SOX5: variants seen among roughly 807,000 people sequenced by gnomAD.
SOX5 encodes transcription factor SOX-5.
A neutral mutation model predicts 92.0 loss-of-function variants in SOX5; 9 were observed. The observed-to-expected ratio is 0.10, with a 90% CI of 0.06 to 0.17. The LOEUF is 0.17. Ranked by LOEUF, SOX5 falls within the 10% of genes least tolerant of loss-of-function variation. The probability of loss-of-function intolerance (pLI) is 1.00; values close to 1 mark genes in which losing one functional copy is unlikely to be tolerated. For synonymous variants in SOX5, 344 were observed against 336.3 expected (o/e 1.02, Z -0.25); for missense variants, 642 against 944.5 (o/e 0.68, Z 4.20).
chr12:23,743,768 G>C (rs2093886015), intron 4 of SOX5, among the ~76,000 whole-genome samples: 1 of 152,110 alleles, frequency 6.6e-6, no homozygotes, highest in Non-Finnish European at 1.5e-5. Context: ...GCATAGGTGG[G>C]TTTCACATTC....
intron 4 of SOX5, among the ~76,000 whole-genome samples, chr12:23,986,106 C>T (rs566107851): frequency 4.6e-5 from 7 of 152,202 alleles, no homozygotes; most frequent in East Asian, 1.9e-4. Flanking sequence ...TTATTTCTCC[C>T]TTGTTATATA....
intron 4 of SOX5, among the ~76,000 whole-genome samples, chr12:24,095,419 CCTTA>C (rs1945278459): frequency 8.6e-6 from 1 of 116,530 alleles, no homozygotes; most frequent in South Asian, 3.6e-4. Flanking sequence ...TTGCCCTCTC[CCTTA>C]TTTATTTATT....
intron 4 of SOX5, among the ~76,000 whole-genome samples, chr12:24,054,982 G>A (rs937145561): frequency 6.6e-6 from 1 of 151,928 alleles, no homozygotes; most frequent in African/African-American, 2.4e-5. Context: ...ATTTTTTCCT[G>A]TACACATTTT....
At chr12:24,045,351 A>G (rs1956892873) in intron 4 of SOX5, among the ~76,000 whole-genome samples, 1 of 152,210 alleles carries the variant, frequency 6.6e-6, no homozygotes, top group South Asian at 2.1e-4. Context: ...TAGGTACTCT[A>G]TTGGTGTTTA....
At chr12:24,107,969 C>A (rs1007192271) in intron 4 of SOX5, among the ~76,000 whole-genome samples, 3 of 152,166 alleles carry the variant, frequency 2.0e-5, no homozygotes, top group Admixed American at 2.0e-4. Flanking sequence ...TGTGGCAGAG[C>A]TTCAAATAAA....
chr12:24,146,846 G>A (rs1304956100), intron 4 of SOX5, among the ~76,000 whole-genome samples: 1 of 151,524 alleles, frequency 6.6e-6, no homozygotes, highest in Non-Finnish European at 1.5e-5. Flanking sequence ...ATAATATTAT[G>A]ATTAACTTTA....
At chr12:23,625,431 G>A (rs954071442) in intron 8 of SOX5, among the ~76,000 whole-genome samples, 14 of 152,042 alleles carry the variant, frequency 9.2e-5, no homozygotes, top group African/African-American at 3.4e-4. Flanking sequence ...AACATTTGAA[G>A]GCTTGTATCT....
chr12:23,556,232 T>G (rs1945150339), intron 11 of SOX5, among the ~76,000 whole-genome samples: 1 of 152,166 alleles, frequency 6.6e-6, no homozygotes, highest in South Asian at 2.1e-4. Flanking sequence ...CATAAAAAGC[T>G]GGTCTAGATT....
chr12:24,405,626 A>G (rs575825591), intron 1 of SOX5, among the ~76,000 whole-genome samples: 23 of 152,214 alleles, frequency 1.5e-4, no homozygotes, highest in Non-Finnish European at 3.1e-4. Context: ...GGAGCAAGAT[A>G]GAAGTGGCTA....
chr12:23,538,799 C>CTTTT (rs67268404), intron 13 of SOX5, among the ~76,000 whole-genome samples: 14,123 of 107,716 alleles, frequency 0.13, 1,079 homozygotes, highest in African/African-American at 0.2. Context: ...CCAGCATTTT[C>CTTTT]TTTTTTTTTT....
At chr12:24,034,022 A>G (rs1042298203) in intron 4 of SOX5, among the ~76,000 whole-genome samples, 4 of 152,094 alleles carry the variant, frequency 2.6e-5, no homozygotes, top group Admixed American at 2.0e-4. Flanking sequence ...AGTCCAGTCT[A>G]TAATCAAAGA....
intron 4 of SOX5, among the ~76,000 whole-genome samples, chr12:24,132,620 A>G (rs1949754597): frequency 1.3e-5 from 2 of 152,160 alleles, no homozygotes; most frequent in Admixed American, 6.6e-5. Flanking sequence ...ACTCTAGGAA[A>G]CCAAATTTAT....
intron 4 of SOX5, among the ~76,000 whole-genome samples, chr12:24,005,301 T>C (rs1285763706): frequency 1.3e-5 from 2 of 152,180 alleles, no homozygotes; most frequent in African/African-American, 4.8e-5. Flanking sequence ...GATCTTTAAG[T>C]ACATGATTAT....
At chr12:23,817,236 T>TTAGGTA (rs2096012446) in intron 3 of SOX5, among the ~76,000 whole-genome samples, 1 of 152,296 alleles carries the variant, frequency 6.6e-6, no homozygotes, top group South Asian at 2.1e-4. Flanking sequence ...AAGATTAAGG[T>TTAGGTA]TAGGTACCCA....
chr12:23,922,682 A>C (rs1485603408), intron 1 of SOX5, among the ~76,000 whole-genome samples: 4 of 152,254 alleles, frequency 2.6e-5, no homozygotes, highest in African/African-American at 7.2e-5. Context: ...ATCCTATGTT[A>C]AAAATAAGTT....
At chr12:23,535,511 A>G (rs1227679609) in intron 14 of SOX5, among the ~76,000 whole-genome samples, 2 of 152,248 alleles carry the variant, frequency 1.3e-5, no homozygotes, top group African/African-American at 4.8e-5. Flanking sequence ...CCTATAAATA[A>G]TGTAGGTGGT....
chr12:23,818,557 C>A (rs746449683), intron 3 of SOX5, among the ~76,000 whole-genome samples: 1 of 152,014 alleles, frequency 6.6e-6, no homozygotes, highest in Non-Finnish European at 1.5e-5. Context: ...TGTAAACACT[C>A]GATTCTTAGA....
At position 23,784,195 on chromosome 12, in the gene SOX5, G is replaced by A. The variant is rs537534807; in HGVS notation, c.482-28471C>T. On this transcript the variant is annotated intron_variant, in intron 3 of 14. Coordinates refer to ENST00000451604, the MANE Select transcript of SOX5 (RefSeq NM_006940.6). Reference sequence around the variant, plus strand: ...TGAGCTGGCTCTTTTATCAATCACTGAATAGCTCTGGGCAAATCATGAAAT... The same window carrying A: ...TGAGCTGGCTCTTTTATCAATCACTAAATAGCTCTGGGCAAATCATGAAAT... 2.6e-5 allele frequency among the ~76,000 whole-genome samples: 4 copies of A among 152,260 alleles called. No homozygotes were observed. In the South Asian group the frequency reaches 8.3e-4, roughly 32 times the overall value.
At chr12:24,019,036 C>G (rs537705248) in intron 4 of SOX5, among the ~76,000 whole-genome samples, 1 of 152,100 alleles carries the variant, frequency 6.6e-6, no homozygotes, top group East Asian at 1.9e-4. Context: ...TGCAGTGGCA[C>G]CATCATGGCT....
Sources: gnomAD v4.1 joint callset for allele counts (sites outside exome capture counted in the v4.1 genomes callset) on GRCh38, gnomAD v4.1.1 for gene constraint, MANE v1.5 for transcripts, NCBI Gene and HGNC (gene_info 2026-07-23, HGNC 2026-07-21) for gene names.